Variants in CEP350 observed in about 807,000 individuals in gnomAD.
CEP350 encodes the protein centrosomal protein 350.
A neutral mutation model predicts 331.8 loss-of-function variants in CEP350; 126 were observed. The observed-to-expected ratio is 0.38, with a 90% CI of 0.33 to 0.44. The LOEUF is 0.44. Among genes scored for constraint, CEP350 ranks in the 20% least tolerant of loss-of-function variants. CEP350 has a pLI of 1.00. For missense variants in CEP350, 3,406 were observed against 3,634.6 expected, an observed-to-expected ratio of 0.94 and a Z score of 1.62; for synonymous variants, 1,200 against 1,259.5, an observed-to-expected ratio of 0.95 and a Z score of 1.00.
chr1:180,103,846 A>G (rs913765457), intron 37 of CEP350, among the ~76,000 whole-genome samples: 26 of 151,016 alleles, frequency 1.7e-4, no homozygotes, highest in Non-Finnish European at 3.0e-4. Flanking sequence ...CTTTTAAATC[A>G]CTATTTGTTA....
chr1:180,003,274 A>G lies in CEP350; in HGVS notation c.1119A>G (p.Ala373=), dbSNP rs778608839. ...GTAGAGAACTGTATCGAGATTTAGC[A>G]CTTCACTTTGCAGGTGAGAATAGAG... The part of the protein sequence containing the change: ...NMSRELYRDL[A]LHFADDISIK... Residue 373 remains alanine (A), a synonymous_variant, in exon 7 of 38, where the codon GCA becomes GCG. Coordinates refer to ENST00000367607, the MANE Select transcript of CEP350 (RefSeq NM_014810.5). 2 of 1,607,024 alleles carry G rather than the reference A, an allele frequency of 1.2e-6. No individual in the cohort carries two copies. Among genetic ancestry groups the G allele is most frequent in the East Asian group, 2.2e-5 (1 of 44,818 alleles).
chr1:179,995,122 T>G (rs144456459), intron 5 of CEP350, among the ~76,000 whole-genome samples: 7 of 152,350 alleles, frequency 4.6e-5, no homozygotes, highest in African/African-American at 1.7e-4. Context: ...TAATTTCGAT[T>G]AGCCACATAT....
At chr1:180,104,834 G>A (rs556412017) in intron 37 of CEP350, among the ~76,000 whole-genome samples, 1 of 152,012 alleles carries the variant, frequency 6.6e-6, no homozygotes, top group African/African-American at 2.4e-5. Context: ...GTTTTAATCC[G>A]CCACCTGATA....
At chr1:180,099,027 T>A in intron 37 of CEP350, 42 bp downstream of exon 37, 1 of 1,576,796 alleles carries the variant, frequency 6.3e-7, no homozygotes, top group Non-Finnish European at 8.6e-7. Context: ...TGACCATATC[T>A]TTTAAACTCA....
At chr1:180,072,729 T>G (rs1658975109) in intron 27 of CEP350, among the ~76,000 whole-genome samples, 2 of 152,186 alleles carry the variant, frequency 1.3e-5, no homozygotes, top group African/African-American at 4.8e-5. Flanking sequence ...AATAGTCTGT[T>G]GTCTAAAAAT....
chr1:179,958,677 C>A (rs1469296096), intron 1 of CEP350, among the ~76,000 whole-genome samples: 1 of 152,112 alleles, frequency 6.6e-6, no homozygotes, highest in Non-Finnish European at 1.5e-5. Context: ...ACTAGTAGTT[C>A]TCATGTTACA....
At chr1:180,055,783 C>A (rs913806465) in intron 25 of CEP350, among the ~76,000 whole-genome samples, 8 of 151,794 alleles carry the variant, frequency 5.3e-5, no homozygotes, top group African/African-American at 1.9e-4. Flanking sequence ...CCTGACCTCG[C>A]GATCCGCCAT....
chr1:179,991,711 A>G (rs4652459), intron 4 of CEP350, among the ~76,000 whole-genome samples: 5,588 of 48,728 alleles, frequency 0.11, 94 homozygotes, highest in East Asian at 0.18. Context: ...GTGTGTGTAT[A>G]TATATATATA....
chr1:180,012,086 A>G lies in CEP350; in HGVS notation c.1393+11A>G, dbSNP rs529730072. ...GAACTGCTAAATCTGGTAAGTAGCT[A>G]TAATTAAAATAGTTGAGAAAACAAT... On this transcript the variant is annotated intron_variant, in intron 9 of 37. Transcript: ENST00000367607. 5 of 1,531,454 alleles carry G rather than the reference A, an allele frequency of 3.3e-6. No individual in the cohort carries two copies. Among genetic ancestry groups the G allele is most frequent in the Non-Finnish European group, 3.5e-6 (4 of 1,141,240 alleles). 94.9% of individuals were successfully genotyped at this position (1,531,454 alleles called of 1,614,324 possible).
chr1:180,041,624 A>G, intron 18 of CEP350, 38 bp from the exon 19 acceptor site: 1 of 1,572,390 alleles, frequency 6.4e-7, no homozygotes, highest in Non-Finnish European at 8.6e-7. Flanking sequence ...AGGGGAGATT[A>G]AAACATAACT....
At chr1:180,038,362 C>T (rs945868613) in intron 17 of CEP350, among the ~76,000 whole-genome samples, 1 of 152,138 alleles carries the variant, frequency 6.6e-6, no homozygotes, top group Admixed American at 6.5e-5. Flanking sequence ...CATTTTTAAA[C>T]AACTCTGTGC....
chr1:179,959,786 G>A (rs764056353), intron 1 of CEP350, among the ~76,000 whole-genome samples: 1 of 152,054 alleles, frequency 6.6e-6, no homozygotes, highest in Non-Finnish European at 1.5e-5. Context: ...AACTTTTGTT[G>A]GCAGAAGGTT....
At chr1:180,057,346 C>A (rs1294259044) in intron 25 of CEP350, among the ~76,000 whole-genome samples, 1 of 151,972 alleles carries the variant, frequency 6.6e-6, no homozygotes, top group African/African-American at 2.4e-5. Flanking sequence ...GGTGATCCAC[C>A]CACCTTGGCT....
At chr1:180,059,253 C>G (rs1214311075) in intron 25 of CEP350, among the ~76,000 whole-genome samples, 1 of 152,130 alleles carries the variant, frequency 6.6e-6, no homozygotes. Context: ...TCTGGAAGGT[C>G]AAAACTATTT....
chr1:180,105,850 T>C lies in CEP350; in HGVS notation c.9190-5147T>C, dbSNP rs188954944. Among the ~76,000 whole-genome samples, 3 of 152,362 alleles carry C rather than the reference T, an allele frequency of 2.0e-5. No individual in the cohort carries two copies. In the East Asian group the frequency reaches 5.8e-4, roughly 29 times the overall value. On this transcript the variant is annotated intron_variant, in intron 37 of 37. Coordinates refer to ENST00000367607, the MANE Select transcript of CEP350 (RefSeq NM_014810.5). ...AGAAAATGTATATTTTAGTTGTTGC[T>C]TGGGCTGAGGATGTCCCTAATCAAT...
At chr1:179,955,242 G>A in intron 1 of CEP350, 100 bp downstream of exon 1, 2 of 1,113,708 alleles carry the variant, frequency 1.8e-6, no homozygotes, top group African/African-American at 1.7e-5. Flanking sequence ...AGAGAGGCGG[G>A]GCCGGGCGCG....
intron 4 of CEP350, among the ~76,000 whole-genome samples, chr1:179,991,339 CAG>C (rs1413557613): frequency 8.6e-6 from 1 of 116,124 alleles, no homozygotes; most frequent in Non-Finnish European, 1.7e-5. Flanking sequence ...TTTTTTGAGA[CAG>C]AGTCTCACTC....
At chr1:180,063,008 TCA>T (rs754962638) in intron 26 of CEP350, among the ~76,000 whole-genome samples, 199 of 152,266 alleles carry the variant, frequency 1.3e-3, no homozygotes, top group Non-Finnish European at 2.4e-3. Context: ...AGAATATTTT[TCA>T]CTTACAAACT....
Position 179,954,915 on chromosome 1 carries a change from C to T in CEP350, c.-241C>T. On this transcript the variant is annotated 5_prime_UTR_variant, in exon 1 of 38. Transcript: ENST00000367607. ...GAGAGAACTGCAGGGAGCCGCAGCT[C>T]GGGGGGTGGCTTGCCCTGAGGGAGG... is the stretch of plus-strand genomic sequence containing the variant. 3.0e-6 allele frequency: 2 copies of T among 672,630 alleles called. No homozygotes were observed. The highest frequency in any genetic ancestry group is 3.2e-5 in the South Asian group (1 of 31,308). 41.7% of individuals were successfully genotyped at this position (672,630 alleles called of 1,614,324 possible). A position where few individuals can be genotyped will look rare whatever the true frequency, so the allele number is the denominator to read the frequency against.
Sources: allele counts gnomAD v4.1 joint callset (sites outside exome capture counted in the v4.1 genomes callset), GRCh38; gene constraint gnomAD v4.1.1; transcripts MANE v1.5; gene names NCBI Gene and HGNC (gene_info 2026-07-23, HGNC 2026-07-21).